Variants in ADAMTS9 observed in about 807,000 individuals in gnomAD.
The protein encoded by ADAMTS9 is A disintegrin and metalloproteinase with thrombospondin motifs 9.
In ADAMTS9, 107 loss-of-function variants were observed where a neutral mutation model predicts 257.1. The observed-to-expected ratio is 0.42, with a 90% CI of 0.36 to 0.49. The LOEUF is 0.49. ADAMTS9 is among the 20% of genes least tolerant of loss of function. ADAMTS9 has a pLI of 0.03. For missense variants in ADAMTS9, 2,353 were observed against 2,469.1 expected (o/e 0.95, Z 1.00); for synonymous variants, 982 against 880.9 (o/e 1.11, Z -2.03).
intron 2 of ADAMTS9, among the ~76,000 whole-genome samples, chr3:64,682,848 T>C (rs948379841): frequency 2.0e-5 from 3 of 152,254 alleles, no homozygotes; most frequent in Non-Finnish European, 4.4e-5. Context: ...GGCTAAGACG[T>C]TGGCTCCCCA....
At chr3:64,542,668 G>A (rs2083141551) in intron 32 of ADAMTS9, among the ~76,000 whole-genome samples, 1 of 152,082 alleles carries the variant, frequency 6.6e-6, no homozygotes, top group Admixed American at 6.6e-5. Flanking sequence ...AAGCAGGAAA[G>A]ATCTAAAATT....
intron 25 of ADAMTS9, among the ~76,000 whole-genome samples, chr3:64,602,591 G>A (rs2084485523): frequency 6.6e-6 from 1 of 152,082 alleles, no homozygotes; most frequent in Non-Finnish European, 1.5e-5. Context: ...CAGCTATGCT[G>A]GCCTTACTGA....
In ADAMTS9 at chr3:64,516,911, A is replaced by C. The variant is rs1443611681; in HGVS notation, c.*216T>G. On this transcript the variant is annotated 3_prime_UTR_variant, in exon 40 of 40. Transcript: ENST00000498707. ...TTCAAACATAAATATTAAACTTTAC[A>C]TCATTAGGATAGTCTACATATCTAC... 1 of 152,614 alleles carries C rather than the reference A, an allele frequency of 6.6e-6. No homozygotes were observed. Among genetic ancestry groups the C allele is most frequent in the African/African-American group, 2.4e-5 (1 of 41,452 alleles). The allele number at this position is 152,614 out of a possible 1,614,324, so 9.5% of individuals were successfully genotyped here.
chr3:64,561,668 C>T lies in ADAMTS9; in HGVS notation c.4608G>A (p.Glu1536=). 1 of 1,614,076 alleles carries T rather than the reference C, an allele frequency of 6.2e-7. No homozygotes were observed. Residue 1536 remains glutamate, a synonymous_variant, in exon 30 of 40, where the codon GAG becomes GAA. Coordinates refer to ENST00000498707, the MANE Select transcript of ADAMTS9 (RefSeq NM_182920.2). ...IGTHKIARET[E]CNPYTRPESE... is the part of the protein sequence containing the mutation. ...ACTCCGGTCTGGTGTATGGGTTGCACTCGGTCTCTCTGGCTATTTTGTGTG... is the reference window on the plus strand; with the variant it reads ...ACTCCGGTCTGGTGTATGGGTTGCATTCGGTCTCTCTGGCTATTTTGTGTG...
rs889593486 is a variant in ADAMTS9, at chr3:64,687,033, G to A, written c.116-65C>T. The A allele has an allele frequency of 1.0e-5, 16 of 1,535,724 alleles. No homozygotes were observed. The highest frequency in any genetic ancestry group is 1.2e-5 in the Non-Finnish European group (14 of 1,137,102). Reference sequence around the variant, plus strand: ...TTTTCCTTAAGCTTTAATTTAAAACGAAGGTGGGGACTTTGTTCTGACCTT... The same window carrying A: ...TTTTCCTTAAGCTTTAATTTAAAACAAAGGTGGGGACTTTGTTCTGACCTT... On this transcript the variant is annotated intron_variant, in intron 1 of 39. Coordinates refer to ENST00000498707, the MANE Select transcript of ADAMTS9 (RefSeq NM_182920.2). This position sits in a 1 kb window ranked among gnomAD's most constrained non-coding sequence, Gnocchi z 4.4.
rs368279204 is a variant in ADAMTS9 at position 64,579,711 on chromosome 3, C to T, written c.4357-11176G>A. 2.0e-5 allele frequency among the ~76,000 whole-genome samples: 3 copies of T among 152,180 alleles called. No individual in the cohort carries two copies. The South Asian group carries it at 6.2e-4, about 31-fold the overall frequency. ...TAATATCCAATAGAACCTAGAACCA[C>T]TTATCTCACAAGAATAAAGATTAAG... On this transcript the variant is annotated intron_variant, in intron 28 of 39. Transcript: ENST00000498707.
chr3:64,525,569 A>G (rs2082900124), intron 38 of ADAMTS9, among the ~76,000 whole-genome samples: 1 of 152,196 alleles, frequency 6.6e-6, no homozygotes, highest in South Asian at 2.1e-4. Context: ...AAGGAAGATG[A>G]ATACAAAAAT....
intron 39 of ADAMTS9, among the ~76,000 whole-genome samples, chr3:64,518,122 G>T (rs1389323599): frequency 6.6e-6 from 1 of 152,182 alleles, no homozygotes; most frequent in African/African-American, 2.4e-5. Flanking sequence ...GGTGTAGGGG[G>T]CAATGATCTG....
chr3:64,539,156 A>T (rs1246175133), intron 37 of ADAMTS9, 47 bp downstream of exon 37: 1 of 1,530,736 alleles, frequency 6.5e-7, no homozygotes, highest in Non-Finnish European at 9.1e-7. Context: ...TTCCCGGGAA[A>T]GGTGGGAGGT....
At chr3:64,615,261 G>C (rs756575941) in intron 21 of ADAMTS9, 60 bp downstream of exon 21, 4 of 1,570,248 alleles carry the variant, frequency 2.5e-6, no homozygotes, top group Middle Eastern at 1.7e-4. Flanking sequence ...AACAGATAGA[G>C]AGCACCAGAA....
At chr3:64,621,050 G>C in intron 19 of ADAMTS9, 64 bp downstream of exon 19, 1 of 1,546,728 alleles carries the variant, frequency 6.5e-7, no homozygotes, top group South Asian at 1.2e-5. Context: ...TGCTTCTCCT[G>C]CTGGGACCTC....
chr3:64,613,977 T>C (rs2084714396), intron 21 of ADAMTS9, among the ~76,000 whole-genome samples: 1 of 152,206 alleles, frequency 6.6e-6, no homozygotes, highest in African/African-American at 2.4e-5. Flanking sequence ...GTTCATTTAA[T>C]AAATGCCAAA....
chr3:64,677,771 A>C (rs1485362344), intron 3 of ADAMTS9, among the ~76,000 whole-genome samples: 1 of 152,184 alleles, frequency 6.6e-6, no homozygotes, highest in Non-Finnish European at 1.5e-5. Flanking sequence ...GTGTGCTTGA[A>C]GTCATACAAC....
chr3:64,607,932 T>TC (rs2084588728), intron 22 of ADAMTS9, among the ~76,000 whole-genome samples: 1 of 151,898 alleles, frequency 6.6e-6, no homozygotes, highest in Non-Finnish European at 1.5e-5. Flanking sequence ...AAGAATGAGA[T>TC]CCCACAAGCA....
intron 3 of ADAMTS9, among the ~76,000 whole-genome samples, chr3:64,671,754 C>A (rs1701496009): frequency 6.6e-6 from 1 of 152,186 alleles, no homozygotes; most frequent in Non-Finnish European, 1.5e-5. Context: ...TACCCATGCT[C>A]TTTTTGTGAT....
At chr3:64,634,261 T>C (rs942210891) in intron 12 of ADAMTS9, among the ~76,000 whole-genome samples, 1 of 152,142 alleles carries the variant, frequency 6.6e-6, no homozygotes, top group African/African-American at 2.4e-5. Flanking sequence ...ATGTTTAAAA[T>C]GTAGAAGGTG....
chr3:64,596,999 C>A lies in ADAMTS9; in HGVS notation c.4018-8G>T, dbSNP rs2084380293. On this transcript the variant is annotated splice_polypyrimidine_tract_variant and splice_region_variant and intron_variant, in intron 26 of 39. Transcript: ENST00000498707. ...AGCACAGGTACTGGAACACTAAACA[C>A]ATCAGTCGACAAGTTAATCCCCACC... 1 of 1,613,480 alleles carries A rather than the reference C, an allele frequency of 6.2e-7. No homozygotes were observed. Among genetic ancestry groups the A allele is most frequent in the African/African-American group, 1.3e-5 (1 of 75,016 alleles).
intron 28 of ADAMTS9, among the ~76,000 whole-genome samples, chr3:64,577,399 A>G (rs2083882520): frequency 6.6e-6 from 1 of 152,268 alleles, no homozygotes; most frequent in South Asian, 2.1e-4. Flanking sequence ...CAGAATAATG[A>G]TGTTCACATT....
intron 16 of ADAMTS9, 130 bp from the exon 17 acceptor site, chr3:64,622,716 G>T: frequency 1.6e-5 from 15 of 954,134 alleles, no homozygotes; most frequent in Non-Finnish European, 2.3e-5. Flanking sequence ...AGACAGGCAT[G>T]GCTTCAAGTC....
Sources: allele counts gnomAD v4.1 joint callset (sites outside exome capture counted in the v4.1 genomes callset), GRCh38; gene constraint gnomAD v4.1.1; non-coding constraint Gnocchi (gnomAD v3.1); transcripts MANE v1.5; gene names NCBI Gene and HGNC (gene_info 2026-07-23, HGNC 2026-07-21).